The following RAB38 variants were observed in gnomAD, a reference collection of about 807,000 sequenced individuals.
RAB38 encodes ras-related protein Rab-38.
In RAB38, 15 loss-of-function variants were observed where a neutral mutation model predicts 18.4. The observed-to-expected ratio is 0.82, with a 90% confidence interval of 0.55 to 1.26. The LOEUF is 1.26. RAB38 is among the 50% of genes most tolerant of loss of function. RAB38 has a pLI of 0.00. For missense variants in RAB38, 294 were observed against 267.4 expected, an observed-to-expected ratio of 1.10 and a Z score of -0.69; for synonymous variants, 101 against 104.4, an observed-to-expected ratio of 0.97 and a Z score of 0.20.
the RAB38 span, among the ~76,000 whole-genome samples, chr11:88,064,630 C>A: frequency 6.6e-6 from 1 of 152,196 alleles, no homozygotes; most frequent in Non-Finnish European, 1.5e-5. Context: ...AAGCAACTAG[C>A]ATTAATTACC....
At chr11:87,857,499 A>G in the RAB38 span, among the ~76,000 whole-genome samples, 7 of 152,120 alleles carry the variant, frequency 4.6e-5, no homozygotes, top group South Asian at 2.1e-4. Context: ...AAGTGTTCCT[A>G]TTTCTCCACA....
At chr11:88,054,570 TA>T in the RAB38 span, among the ~76,000 whole-genome samples, 1 of 152,188 alleles carries the variant, frequency 6.6e-6, no homozygotes, top group Non-Finnish European at 1.5e-5. Flanking sequence ...GGATGTGACA[TA>T]ATCTCTGTCT....
At chr11:88,147,599 A>G (rs551791834) in intron 2 of RAB38, among the ~76,000 whole-genome samples, 24 of 151,708 alleles carry the variant, frequency 1.6e-4, no homozygotes, top group African/African-American at 5.8e-4. Flanking sequence ...GCTAACATTC[A>G]AAAAAGAAAA....
intron 2 of RAB38, among the ~76,000 whole-genome samples, chr11:88,137,554 T>C (rs940227436): frequency 1.3e-5 from 2 of 152,036 alleles, no homozygotes; most frequent in African/African-American, 4.8e-5. Flanking sequence ...GCTGAAAATA[T>C]GTGAAAAAAT....
chr11:88,064,206 A>T, the RAB38 span, among the ~76,000 whole-genome samples: 2 of 152,210 alleles, frequency 1.3e-5, no homozygotes, highest in East Asian at 1.9e-4. Context: ...TCAAGGTATG[A>T]GAGAGAGTAT....
At chr11:87,884,844 A>G in the RAB38 span, among the ~76,000 whole-genome samples, 2 of 151,920 alleles carry the variant, frequency 1.3e-5, no homozygotes, top group Non-Finnish European at 2.9e-5. Flanking sequence ...GACCTACTGT[A>G]TCAAGAATCT....
the RAB38 span, among the ~76,000 whole-genome samples, chr11:88,035,120 A>G: frequency 2.6e-5 from 4 of 152,174 alleles, no homozygotes; most frequent in Admixed American, 1.3e-4. Flanking sequence ...ATGGATCGTC[A>G]TCTTGTAAAC....
chr11:87,977,764 A>C, the RAB38 span, among the ~76,000 whole-genome samples: 3 of 105,076 alleles, frequency 2.9e-5, no homozygotes, highest in Non-Finnish European at 5.3e-5. Flanking sequence ...TATATATTAT[A>C]TTATAGTTAT....
At chr11:88,170,464 C>G (rs1316531966) in intron 1 of RAB38, among the ~76,000 whole-genome samples, 1 of 152,138 alleles carries the variant, frequency 6.6e-6, no homozygotes. Context: ...TAGTTAAGTC[C>G]GAATCCTATC....
At chr11:88,030,063 G>A in the RAB38 span, among the ~76,000 whole-genome samples, 1 of 152,032 alleles carries the variant, frequency 6.6e-6, no homozygotes, top group African/African-American at 2.4e-5. Flanking sequence ...CTAGAACTCA[G>A]GATTAAGAAT....
At chr11:88,075,784 G>T in the RAB38 span, among the ~76,000 whole-genome samples, 1 of 152,018 alleles carries the variant, frequency 6.6e-6, no homozygotes, top group Non-Finnish European at 1.5e-5. Context: ...GGGAGGCTGA[G>T]GTTGGAGGAT....
chr11:88,138,737 T>A (rs748675306), intron 2 of RAB38, among the ~76,000 whole-genome samples: 16 of 152,066 alleles, frequency 1.1e-4, no homozygotes, highest in Admixed American at 3.3e-4. Context: ...CTACAAGACC[T>A]GTTAAACATG....
the RAB38 span, among the ~76,000 whole-genome samples, chr11:87,976,879 AATGT>A: frequency 7.0e-5 from 5 of 71,812 alleles, no homozygotes; most frequent in South Asian, 4.9e-4. Flanking sequence ...TATGTTATAT[AATGT>A]ATTATATATT....
the RAB38 span, among the ~76,000 whole-genome samples, chr11:88,099,553 G>A: frequency 3.3e-5 from 5 of 151,802 alleles, no homozygotes; most frequent in African/African-American, 7.3e-5. Flanking sequence ...AAATCAATCC[G>A]AAATATAAGC....
At chr11:87,866,451 TAAGTC>T in the RAB38 span, among the ~76,000 whole-genome samples, 555 of 151,842 alleles carry the variant, frequency 3.7e-3, 4 homozygotes, top group African/African-American at 0.013. Flanking sequence ...CAGGCACAAA[TAAGTC>T]AATCCTACTT....
chr11:88,140,010 GA>G (rs1942886546), intron 2 of RAB38, among the ~76,000 whole-genome samples: 2 of 152,220 alleles, frequency 1.3e-5, no homozygotes, highest in South Asian at 4.1e-4. Flanking sequence ...TTTCAGTGAA[GA>G]AAATTGCTAT....
intron 2 of RAB38, 74 bp from the exon 3 acceptor site, chr11:88,114,214 G>A: frequency 6.7e-7 from 1 of 1,489,788 alleles, no homozygotes; most frequent in African/African-American, 1.4e-5. Flanking sequence ...ACTTATATGT[G>A]ACAATTCATT....
At chr11:87,835,169 C>G in the RAB38 span, among the ~76,000 whole-genome samples, 1 of 152,062 alleles carries the variant, frequency 6.6e-6, no homozygotes, top group East Asian at 1.9e-4. Context: ...TTACAGAATC[C>G]TAGAAAAGCT....
chr11:88,033,175 A>T, the RAB38 span, among the ~76,000 whole-genome samples: 1 of 152,046 alleles, frequency 6.6e-6, no homozygotes. Flanking sequence ...GGAACTGAAC[A>T]ATGAGAACAC....
Sources: gnomAD v4.1 joint callset for allele counts (sites outside exome capture counted in the v4.1 genomes callset) on GRCh38, gnomAD v4.1.1 for gene constraint, MANE v1.5 for transcripts, NCBI Gene and HGNC (gene_info 2026-07-23, HGNC 2026-07-21) for gene names.